Variants in EVC observed in about 807,000 individuals in gnomAD.
EVC encodes the protein evC complex member EVC.
In EVC, 116 loss-of-function variants were observed where a neutral mutation model predicts 118.9. The observed-to-expected ratio is 0.98, with a 90% CI of 0.84 to 1.14. EVC has a LOEUF of 1.14. Among genes scored for constraint, EVC ranks in the 50% most tolerant of loss-of-function variants. The pLI, the probability that EVC is intolerant of heterozygous loss-of-function variation, is 0.00. For synonymous variants in EVC, 619 were observed against 534.7 expected (o/e 1.16, Z -2.18); for missense variants, 1,401 against 1,246.4 (o/e 1.12, Z -1.87).
chr4:5,714,904 A>G (rs944626502), intron 1 of EVC, among the ~76,000 whole-genome samples: 4 of 152,016 alleles, frequency 2.6e-5, no homozygotes, highest in Non-Finnish European at 5.9e-5. Context: ...TCTTGGGCTC[A>G]GGTGATCCTC....
rs12502689 is a variant in EVC at position 5,761,304 on chromosome 4, G to C, written c.1563+4942G>C. On this transcript the variant is annotated intron_variant, in intron 11 of 20. Transcript: ENST00000264956. The stretch of plus-strand genomic sequence containing the variant: ...GTTGAGCCCAGTGGGGATGAGCCCA[G>C]ATCTGGGTCCAGGGTCCTGGGTGTG... Among the ~76,000 whole-genome samples, 522 of 151,946 alleles carry C rather than the reference G, an allele frequency of 3.4e-3. 4 individuals are homozygous for C. Among genetic ancestry groups the C allele is most frequent in the Non-Finnish European group, 3.8e-3 (258 of 68,004 alleles).
intron 11 of EVC, among the ~76,000 whole-genome samples, chr4:5,768,475 A>T (rs1246100399): frequency 6.6e-6 from 1 of 152,078 alleles, no homozygotes; most frequent in Non-Finnish European, 1.5e-5. Flanking sequence ...AAGTAGACCT[A>T]ATAGGCCTTC....
chr4:5,737,887 C>G lies in EVC; in HGVS notation c.703-3829C>G, dbSNP rs1727940979. Among the ~76,000 whole-genome samples the G allele has an allele frequency of 6.6e-6, 1 of 152,158 alleles. No individual in the cohort carries two copies. Among genetic ancestry groups the G allele is most frequent in the Non-Finnish European group, 1.5e-5 (1 of 68,028 alleles). On this transcript the variant is annotated intron_variant, in intron 5 of 20. Coordinates refer to ENST00000264956, the MANE Select transcript of EVC (RefSeq NM_153717.3). The surrounding 1 kb of genome is among the most constrained non-coding windows in gnomAD (Gnocchi z 5.0). ...TAAAGAGTAATTTCAACTTTCAAGTCTTATTATTTAAGAAATACATTTCCT... is the reference window on the plus strand; with the variant it reads ...TAAAGAGTAATTTCAACTTTCAAGTGTTATTATTTAAGAAATACATTTCCT...
intron 3 of EVC, 135 bp downstream of exon 3, chr4:5,729,525 A>T: frequency 1.1e-6 from 1 of 876,396 alleles, no homozygotes; most frequent in Non-Finnish European, 1.9e-6. Flanking sequence ...TTTAGTAGGG[A>T]TAGTTTTGAG....
chr4:5,783,108 G>A (rs749677726), intron 11 of EVC, among the ~76,000 whole-genome samples: 1 of 152,098 alleles, frequency 6.6e-6, no homozygotes, highest in African/African-American at 2.4e-5. Context: ...GTGTGTAGGA[G>A]TGTGTCTATG....
intron 11 of EVC, among the ~76,000 whole-genome samples, chr4:5,766,549 C>T (rs200686620): frequency 0.33 from 34,474 of 104,852 alleles, 5,425 homozygotes; most frequent in East Asian, 0.41. Context: ...ACCAATCAGA[C>T]GTAGATTTGG....
Position 5,719,497 on chromosome 4 carries a change from G to T in EVC, c.300+124G>T. ...TAGTTTCCCAATGGGCTGCTTTTCT[G>T]AGGCATAATTTACATACAGTCAAAT... On this transcript the variant is annotated intron_variant, in intron 2 of 20. Transcript: ENST00000264956. The surrounding 1 kb of genome is among the most constrained non-coding windows in gnomAD (Gnocchi z 4.7). 7.0e-7 allele frequency: 1 copy of T among 1,437,842 alleles called. No individual in the cohort carries two copies. The highest frequency in any genetic ancestry group is 9.7e-7 in the Non-Finnish European group (1 of 1,027,774). The allele number at this position is 1,437,842 out of a possible 1,614,324, so 89.1% of individuals were successfully genotyped here. A position where few individuals can be genotyped will look rare whatever the true frequency, so the allele number is the denominator to read the frequency against.
In EVC at chr4:5,731,636, C is replaced by T. The variant is rs1401131325; in HGVS notation, c.596C>T (p.Pro199Leu). ...SRTFLRVNAF[P>L]EVLACESVDV... ...ACCTTCCTCCGGGTGAACGCCTTCC[C>T]TGAAGTGCTGGCCTGCGAGAGGTAA... The change falls in exon 4 of 21, where the codon CCT becomes CTT. Residue 199 changes from proline to leucine, a missense_variant. Pro to Leu is a moderately conservative substitution (Grantham distance 98). Coordinates refer to ENST00000264956, the MANE Select transcript of EVC (RefSeq NM_153717.3). The surrounding 1 kb of genome is among the most constrained non-coding windows in gnomAD (Gnocchi z 5.6). 6.2e-7 allele frequency: 1 copy of T among 1,614,124 alleles called. No individual in the cohort carries two copies. Among genetic ancestry groups the T allele is most frequent in the Non-Finnish European group, 8.5e-7 (1 of 1,180,026 alleles).
At chr4:5,802,478 G>T (rs558773756) in intron 16 of EVC, among the ~76,000 whole-genome samples, 1 of 152,198 alleles carries the variant, frequency 6.6e-6, no homozygotes, top group Admixed American at 6.5e-5. Context: ...GACGATTCAA[G>T]TGCATTATAT....
rs1422039883 is a variant in EVC, at chr4:5,813,770, TG to T, written c.*2737del. On this transcript the variant is annotated 3_prime_UTR_variant, in exon 21 of 21. Transcript: ENST00000264956. ...GCTGTCGCATGGAGCATTTTGCTTCTGGGGTGTCTTCCTTAGCCAAAGGGAA... is the reference window on the plus strand; with the variant it reads ...GCTGTCGCATGGAGCATTTTGCTTCTGGGTGTCTTCCTTAGCCAAAGGGAA... The T allele has an allele frequency of 6.6e-6, 1 of 152,220 alleles. No individual in the cohort carries two copies. The highest frequency in any genetic ancestry group is 1.9e-4 in the East Asian group (1 of 5,166). 9.4% of individuals were successfully genotyped at this position (152,220 alleles called of 1,614,324 possible).
In EVC at chr4:5,756,380, G is replaced by A; in HGVS notation, c.1563+18G>A. ...TCTGCCAGGTACATGGCCTCTGTGG[G>A]GACCAGCAGAGAAGCCCCAGGGTCT... is the stretch of plus-strand genomic sequence containing the variant. On this transcript the variant is annotated intron_variant, in intron 11 of 20. Transcript: ENST00000264956. This position sits in a 1 kb window ranked among gnomAD's most constrained non-coding sequence, Gnocchi z 4.2. The A allele has an allele frequency of 6.3e-7, 1 of 1,591,030 alleles. No homozygotes were observed. Among genetic ancestry groups the A allele is most frequent in the East Asian group, 2.3e-5 (1 of 44,418 alleles).
At position 5,754,961 on chromosome 4, in the gene EVC, G is replaced by T. The variant is rs1289748553; in HGVS notation, c.1464+1028G>T. 6.6e-6 allele frequency among the ~76,000 whole-genome samples: 1 copy of T among 151,836 alleles called. No individual in the cohort carries two copies. Among genetic ancestry groups the T allele is most frequent in the East Asian group, 1.9e-4 (1 of 5,130 alleles). ...CTCAGCCCAGAATAGAGGCCCAGGG[G>T]CTCTCCCTGGGGGCCAAGCTGGTGG... On this transcript the variant is annotated intron_variant, in intron 10 of 20. Transcript: ENST00000264956. This position sits in a 1 kb window ranked among gnomAD's most constrained non-coding sequence, Gnocchi z 5.8.
rs1262789104 is a variant in EVC at position 5,756,432 on chromosome 4, CCTGG to C, written c.1563+75_1563+78del. 1.5e-6 allele frequency: 2 copies of C among 1,372,346 alleles called. No individual in the cohort carries two copies. The highest frequency in any genetic ancestry group is 4.9e-5 in the East Asian group (2 of 40,804). 85.0% of individuals were successfully genotyped at this position (1,372,346 alleles called of 1,614,324 possible). A position where few individuals can be genotyped will look rare whatever the true frequency, so the allele number is the denominator to read the frequency against. ...TGTGTGTGCGAGAACCTCACATCCT[CCTGG>C]CTGGGGACCCCAGAGGTGGTTCAGG... is the stretch of plus-strand genomic sequence containing the variant. On this transcript the variant is annotated intron_variant, in intron 11 of 20. Coordinates refer to ENST00000264956, the MANE Select transcript of EVC (RefSeq NM_153717.3). This position sits in a 1 kb window ranked among gnomAD's most constrained non-coding sequence, Gnocchi z 4.2.
intron 11 of EVC, chr4:5,758,024 G>C: frequency 1.4e-6 from 1 of 701,030 alleles, no homozygotes; most frequent in Non-Finnish European, 2.6e-6. Context: ...CGCACAGTTG[G>C]TTAGGTCCTA....
At position 5,793,662 on chromosome 4, in the gene EVC, G is replaced by A; in HGVS notation, c.1831G>A (p.Asp611Asn). ...SSVLQTHLREDHEGTIRGVLG... is the reference protein window; with the variant it reads ...SSVLQTHLRENHEGTIRGVLG... ...CGTGCTGCAGACACACCTGCGGGAG[G>A]ACCACGAGGGCACCATCCGCGGCGT... Residue 611 changes from aspartate to asparagine, a missense_variant, in exon 13 of 21, where the codon GAC (aspartate) becomes AAC (asparagine). Physicochemically the swap from Asp to Asn is conservative, Grantham distance 23. Coordinates refer to ENST00000264956, the MANE Select transcript of EVC (RefSeq NM_153717.3). 1 of 1,552,972 alleles carries A rather than the reference G, an allele frequency of 6.4e-7. No homozygotes were observed.
At position 5,762,551 on chromosome 4, in the gene EVC, T is replaced by C. The variant is rs375662207; in HGVS notation, c.1563+6189T>C. ...AAAGTGTTCCTATTTCTCCACATCC[T>C]CTCCAGCACCTGTTGTTTCCTGACT... On this transcript the variant is annotated intron_variant, in intron 11 of 20. Coordinates refer to ENST00000264956, the MANE Select transcript of EVC (RefSeq NM_153717.3). Among the ~76,000 whole-genome samples, 1,426 of 145,500 alleles carry C rather than the reference T, an allele frequency of 9.8e-3. 20 individuals are homozygous for C. Among genetic ancestry groups the C allele is most frequent in the Non-Finnish European group, 0.014 (904 of 65,980 alleles).
rs1309129371 is a variant in EVC at position 5,749,392 on chromosome 4, C to A, written c.1098+1086C>A. Among the ~76,000 whole-genome samples, 1 of 149,902 alleles carries A rather than the reference C, an allele frequency of 6.7e-6. No individual in the cohort carries two copies. Among genetic ancestry groups the A allele is most frequent in the East Asian group, 2.0e-4 (1 of 5,104 alleles). On this transcript the variant is annotated intron_variant, in intron 8 of 20. Transcript: ENST00000264956. This position sits in a 1 kb window ranked among gnomAD's most constrained non-coding sequence, Gnocchi z 4.4. The stretch of plus-strand genomic sequence containing the variant: ...TCCTTATTTTTGTGAAGCCTGCCAA[C>A]CACAGATAAGCAAAAAAGTCCTCAC...
rs1042358498 is a variant in EVC, at chr4:5,743,035, G to A, written c.801+1221G>A. ...GAAAGGGCAGTTCATTGCAAATTGA[G>A]GGACAGGTTATTTAGAACTTTCTAA... On this transcript the variant is annotated intron_variant, in intron 6 of 20. Coordinates refer to ENST00000264956, the MANE Select transcript of EVC (RefSeq NM_153717.3). This position sits in a 1 kb window ranked among gnomAD's most constrained non-coding sequence, Gnocchi z 4.7. 3.3e-5 allele frequency among the ~76,000 whole-genome samples: 5 copies of A among 152,216 alleles called. No individual in the cohort carries two copies. The highest frequency in any genetic ancestry group is 6.5e-5 in the Admixed American group (1 of 15,286).
intron 11 of EVC, among the ~76,000 whole-genome samples, chr4:5,762,753 GT>G (rs999087829): frequency 1.8e-5 from 2 of 111,538 alleles, no homozygotes; most frequent in Non-Finnish European, 3.7e-5. Flanking sequence ...GGGGTTGTTT[GT>G]TTTTTTCTTG....
Sources: gnomAD v4.1 joint callset for allele counts (sites outside exome capture counted in the v4.1 genomes callset) on GRCh38, gnomAD v4.1.1 for gene constraint, Gnocchi (gnomAD v3.1) non-coding constraint, MANE v1.5 for transcripts, NCBI Gene and HGNC (gene_info 2026-07-23, HGNC 2026-07-21) for gene names.